Variants in RHOT1 observed in about 807,000 individuals in gnomAD.
The protein encoded by RHOT1 is ras homolog family member T1, also known as mitochondrial Rho GTPase 1.
A neutral mutation model predicts 95.3 loss-of-function variants in RHOT1; 27 were observed. The observed-to-expected ratio is 0.28, with a 90% CI of 0.21 to 0.39. The LOEUF (loss-of-function observed/expected upper bound fraction) is 0.39, where lower values mean the gene tolerates loss of function less well. Ranked by LOEUF, RHOT1 falls within the 10% of genes least tolerant of loss-of-function variation. The pLI, the probability that RHOT1 is intolerant of heterozygous loss-of-function variation, is 1.00. For missense variants in RHOT1, 578 were observed against 786.7 expected (o/e 0.73, Z 3.17); for synonymous variants, 227 against 263.5 (o/e 0.86, Z 1.34).
chr17:32,195,250 A>G (rs1048477539), intron 11 of RHOT1, among the ~76,000 whole-genome samples: 6 of 151,976 alleles, frequency 3.9e-5, no homozygotes, highest in Admixed American at 2.0e-4. Context: ...TGTGCAACAC[A>G]ATGCCTGGCT....
At chr17:32,167,391 A>G (rs1021111505) in intron 1 of RHOT1, among the ~76,000 whole-genome samples, 3 of 151,782 alleles carry the variant, frequency 2.0e-5, no homozygotes, top group Non-Finnish European at 2.9e-5. Context: ...CAGTAGTGCA[A>G]TCTTGGCTCA....
At chr17:32,168,442 T>A (rs1304400042) in intron 1 of RHOT1, among the ~76,000 whole-genome samples, 2 of 151,982 alleles carry the variant, frequency 1.3e-5, no homozygotes, top group African/African-American at 2.4e-5. Context: ...GCTAATTTTT[T>A]AAAAACTGTT....
At chr17:32,223,637 A>G (rs1414762105) in intron 19 of RHOT1, among the ~76,000 whole-genome samples, 1 of 149,488 alleles carries the variant, frequency 6.7e-6, no homozygotes, top group Non-Finnish European at 1.5e-5. Flanking sequence ...CCAGTCTCGA[A>G]CTCCTGACCT....
Position 32,176,142 on chromosome 17 carries a change from T to C in RHOT1, c.277-19T>C. On this transcript the variant is annotated intron_variant, in intron 5 of 19. Coordinates refer to ENST00000545287, the MANE Select transcript of RHOT1 (RefSeq NM_001033566.3). Reference sequence around the variant, plus strand: ...AAAGATCCTTATCATGGCTAAGCGCTTGTTAATTTTCATTTTAGGTAACAA... The same window carrying C: ...AAAGATCCTTATCATGGCTAAGCGCCTGTTAATTTTCATTTTAGGTAACAA... 6.2e-7 allele frequency: 1 copy of C among 1,609,536 alleles called. No homozygotes were observed. The highest frequency in any genetic ancestry group is 8.5e-7 in the Non-Finnish European group (1 of 1,177,798).
At chr17:32,149,623 A>ATGTGTGTGTGTGTGTG (rs1304218827) in intron 1 of RHOT1, among the ~76,000 whole-genome samples, 3 of 86,208 alleles carry the variant, frequency 3.5e-5, no homozygotes, top group East Asian at 3.3e-4. Flanking sequence ...ATATATATAT[A>ATGTGTGTGTGTGTGTG]TATATATATA....
chr17:32,211,028 A>C (rs2038094604), intron 18 of RHOT1, 88 bp from the exon 19 acceptor site: 1 of 1,336,612 alleles, frequency 7.5e-7, no homozygotes, highest in African/African-American at 1.5e-5. Context: ...CTTATGCCTA[A>C]GTCTTTTTTT....
intron 1 of RHOT1, among the ~76,000 whole-genome samples, chr17:32,147,113 C>T (rs1299561332): frequency 4.6e-5 from 7 of 151,444 alleles, no homozygotes; most frequent in African/African-American, 1.2e-4. Context: ...GGCACAATCT[C>T]GGCTCGTTAC....
At chr17:32,198,203 C>T (rs1311484794) in intron 11 of RHOT1, among the ~76,000 whole-genome samples, 1 of 152,152 alleles carries the variant, frequency 6.6e-6, no homozygotes, top group Admixed American at 6.5e-5. Context: ...GCACTCAGTG[C>T]ATTTGGTTAA....
chr17:32,177,775 C>T (rs1473174651), intron 6 of RHOT1, among the ~76,000 whole-genome samples: 1 of 150,538 alleles, frequency 6.6e-6, no homozygotes, highest in African/African-American at 2.4e-5. Context: ...AAAAAGAGCC[C>T]CATCGAGCCT....
intron 11 of RHOT1, among the ~76,000 whole-genome samples, chr17:32,195,276 C>G (rs770289630): frequency 1.1e-4 from 17 of 151,732 alleles, no homozygotes; most frequent in African/African-American, 2.4e-4. Flanking sequence ...TTCTTTCTTT[C>G]TTTGTTTTCT....
chr17:32,210,393 T>A (rs565795498), intron 18 of RHOT1, among the ~76,000 whole-genome samples: 1 of 152,312 alleles, frequency 6.6e-6, no homozygotes, highest in Admixed American at 6.5e-5. Context: ...TCAGAAAGCC[T>A]CCCTAAATTT....
intron 6 of RHOT1, among the ~76,000 whole-genome samples, chr17:32,181,484 T>C (rs2035628856): frequency 6.6e-6 from 1 of 152,250 alleles, no homozygotes; most frequent in Non-Finnish European, 1.5e-5. Flanking sequence ...CTTTTCATCT[T>C]TACTGTCACT....
In RHOT1 at chr17:32,192,256, A is replaced by G. The variant is rs750700010; in HGVS notation, c.596A>G (p.Asp199Gly). 4 of 1,589,334 alleles carry G rather than the reference A, an allele frequency of 2.5e-6. No homozygotes were observed. In the Admixed American group the frequency reaches 7.2e-5, roughly 28 times the overall value. Residue 199 changes from aspartate to glycine, a missense_variant, in exon 9 of 20, where the codon GAT (aspartate) becomes GGT (glycine). Physicochemically the swap from Asp to Gly is moderately conservative, Grantham distance 94. Coordinates refer to ENST00000545287, the MANE Select transcript of RHOT1 (RefSeq NM_001033566.3). ...LTRIFKISDQ[D>G]NDGTLNDAEL... is the part of the protein sequence containing the mutation. The stretch of plus-strand genomic sequence containing the variant: ...CGTATATTTAAAATATCTGATCAAG[A>G]TAATGATGGTACTCTCAATGATGCT...
chr17:32,187,004 G>T (rs1395343497), intron 8 of RHOT1, among the ~76,000 whole-genome samples: 1 of 151,788 alleles, frequency 6.6e-6, no homozygotes, highest in South Asian at 2.1e-4. Context: ...TAAGAAGCGG[G>T]GGCCGGGTGC....
At chr17:32,171,366 A>T (rs1048231367) in intron 2 of RHOT1, among the ~76,000 whole-genome samples, 1 of 152,202 alleles carries the variant, frequency 6.6e-6, no homozygotes, top group African/African-American at 2.4e-5. Flanking sequence ...GATTACAGGC[A>T]TGTGCCACTG....
chr17:32,201,376 G>A (rs920894253), intron 14 of RHOT1, among the ~76,000 whole-genome samples: 21 of 152,186 alleles, frequency 1.4e-4, no homozygotes, highest in African/African-American at 4.6e-4. Context: ...AAAATAATGC[G>A]TATTAACTGT....
chr17:32,194,831 T>G (rs1265734798), intron 11 of RHOT1, among the ~76,000 whole-genome samples: 8 of 148,322 alleles, frequency 5.4e-5, no homozygotes, highest in African/African-American at 2.0e-4. Flanking sequence ...TTTCTTTCTT[T>G]TTTTTTTTTT....
intron 8 of RHOT1, among the ~76,000 whole-genome samples, chr17:32,186,395 G>T (rs1452006349): frequency 7.5e-5 from 10 of 133,366 alleles, no homozygotes; most frequent in Non-Finnish European, 9.4e-5. Context: ...ACGGAGTCTT[G>T]CTCTGTCGCC....
At chr17:32,167,867 C>T (rs60218061) in intron 1 of RHOT1, among the ~76,000 whole-genome samples, 1 of 151,538 alleles carries the variant, frequency 6.6e-6, no homozygotes, top group East Asian at 1.9e-4. Flanking sequence ...AGACCCTGTC[C>T]GTACAAAGAA....
Sources: gnomAD v4.1 joint callset for allele counts (sites outside exome capture counted in the v4.1 genomes callset) on GRCh38, gnomAD v4.1.1 for gene constraint, MANE v1.5 for transcripts, NCBI Gene and HGNC (gene_info 2026-07-23, HGNC 2026-07-21) for gene names.